Variants in CIRSR observed in about 807,000 individuals in gnomAD.
The protein encoded by CIRSR is corepressor of RBPJ and splicing regulator.
chr2:174,359,463 C>A, the CIRSR span, among the ~76,000 whole-genome samples: 1 of 152,006 alleles, frequency 6.6e-6, no homozygotes. Context: ...ATAGGGAATT[C>A]AAACTTACAT....
chr2:174,375,703 G>A, the CIRSR span, among the ~76,000 whole-genome samples: 1 of 152,020 alleles, frequency 6.6e-6, no homozygotes, highest in South Asian at 2.1e-4. Context: ...AGGTTCGATG[G>A]GCAAAAAGGT....
At chr2:174,380,570 G>A in the CIRSR span, 1 of 1,329,142 alleles carries the variant, frequency 7.5e-7, no homozygotes, top group Non-Finnish European at 1.1e-6. Context: ...TCTAATGATT[G>A]AAAAAGCAAC....
At chr2:174,389,952 C>G in the CIRSR span, among the ~76,000 whole-genome samples, 1 of 152,200 alleles carries the variant, frequency 6.6e-6, no homozygotes, top group Non-Finnish European at 1.5e-5. Flanking sequence ...TATGGAAACA[C>G]CTGGATGTTC....
chr2:174,351,706 C>T, the CIRSR span: 6 of 1,612,912 alleles, frequency 3.7e-6, no homozygotes, highest in East Asian at 2.2e-5. Context: ...CTATTAGCTC[C>T]GAGGGGTGCA....
chr2:174,377,172 A>G, the CIRSR span, among the ~76,000 whole-genome samples: 1 of 152,212 alleles, frequency 6.6e-6, no homozygotes, highest in Admixed American at 6.5e-5. Flanking sequence ...GAAAGAAAAG[A>G]TAAGATGCAA....
chr2:174,348,817 T>G, the CIRSR span: 1 of 1,614,122 alleles, frequency 6.2e-7, no homozygotes. Flanking sequence ...CTGTCCTCCC[T>G]AGAACTCTCG....
the CIRSR span, among the ~76,000 whole-genome samples, chr2:174,391,850 T>G: frequency 6.6e-6 from 1 of 151,944 alleles, no homozygotes; most frequent in Non-Finnish European, 1.5e-5. Flanking sequence ...ATGGTGAGAG[T>G]AGCCAGTCAA....
chr2:174,391,734 A>T, the CIRSR span, among the ~76,000 whole-genome samples: 9 of 152,350 alleles, frequency 5.9e-5, no homozygotes, highest in East Asian at 1.3e-3. Context: ...TTAAAAAAAG[A>T]CAATTCTATC....
the CIRSR span, among the ~76,000 whole-genome samples, chr2:174,371,866 T>C: frequency 6.6e-6 from 1 of 152,230 alleles, no homozygotes; most frequent in Non-Finnish European, 1.5e-5. Context: ...GATTATCCCA[T>C]GATAACCACA....
chr2:174,375,638 C>T, the CIRSR span, among the ~76,000 whole-genome samples: 1 of 152,114 alleles, frequency 6.6e-6, no homozygotes, highest in Non-Finnish European at 1.5e-5. Flanking sequence ...ATAAAATGTT[C>T]ATTTTACCAC....
chr2:174,369,418 G>A, the CIRSR span, among the ~76,000 whole-genome samples: 2 of 152,230 alleles, frequency 1.3e-5, no homozygotes, highest in Non-Finnish European at 2.9e-5. Flanking sequence ...CATATCAGCA[G>A]TAAGGCTGTT....
chr2:174,384,089 C>A, the CIRSR span, among the ~76,000 whole-genome samples: 1 of 152,124 alleles, frequency 6.6e-6, no homozygotes, highest in Non-Finnish European at 1.5e-5. Context: ...ATGTTTATAG[C>A]AGCATTATTC....
the CIRSR span, chr2:174,349,304 T>C: frequency 3.0e-5 from 17 of 572,134 alleles, no homozygotes; most frequent in South Asian, 2.2e-4. Context: ...CGCTGGCTCA[T>C]ACCTGTAATC....
the CIRSR span, among the ~76,000 whole-genome samples, chr2:174,379,982 C>T: frequency 1.3e-5 from 2 of 151,986 alleles, no homozygotes; most frequent in African/African-American, 2.4e-5. Flanking sequence ...CTCGGCCTCC[C>T]AAAGCGCTGA....
the CIRSR span, among the ~76,000 whole-genome samples, chr2:174,349,916 T>C: frequency 1.3e-5 from 2 of 152,186 alleles, no homozygotes; most frequent in Non-Finnish European, 2.9e-5. Context: ...ATCAACGTTA[T>C]CAAAATTCAA....
At chr2:174,365,268 C>A in the CIRSR span, among the ~76,000 whole-genome samples, 3 of 152,274 alleles carry the variant, frequency 2.0e-5, no homozygotes, top group African/African-American at 7.2e-5. Flanking sequence ...CTGAGATCAC[C>A]TCAGCCTGGA....
At chr2:174,367,935 C>A in the CIRSR span, among the ~76,000 whole-genome samples, 1 of 151,976 alleles carries the variant, frequency 6.6e-6, no homozygotes, top group Non-Finnish European at 1.5e-5. Context: ...ATATTAATGT[C>A]AGACAAGTAG....
chr2:174,389,905 T>C, the CIRSR span, among the ~76,000 whole-genome samples: 1 of 152,222 alleles, frequency 6.6e-6, no homozygotes, highest in African/African-American at 2.4e-5. Context: ...AGGCAAGAAC[T>C]GAGGTTTGGG....
At chr2:174,388,776 A>G in the CIRSR span, among the ~76,000 whole-genome samples, 1 of 152,126 alleles carries the variant, frequency 6.6e-6, no homozygotes, top group South Asian at 2.1e-4. Flanking sequence ...CCCCACACAA[A>G]TCTCATCTTG....
Sources: gnomAD v4.1 joint callset for allele counts (sites outside exome capture counted in the v4.1 genomes callset) on GRCh38, gnomAD v4.1.1 for gene constraint, MANE v1.5 for transcripts, NCBI Gene and HGNC (gene_info 2026-07-23, HGNC 2026-07-21) for gene names.